DMTN: variants seen among roughly 807,000 people sequenced by gnomAD.
DMTN encodes dematin actin binding protein.
A neutral mutation model predicts 59.4 loss-of-function variants in DMTN; 27 were observed. That is an observed-to-expected ratio of 0.45 (90% CI 0.33 to 0.63). DMTN has a LOEUF of 0.63. DMTN is among the 20% of genes least tolerant of loss of function. The probability of loss-of-function intolerance (pLI) is 0.02; values close to 1 mark genes in which losing one functional copy is unlikely to be tolerated. For missense variants in DMTN, 451 were observed against 528.9 expected (o/e 0.85, Z 1.45); for synonymous variants, 221 against 203.7 (o/e 1.08, Z -0.72).
intron 1 of DMTN, among the ~76,000 whole-genome samples, chr8:22,061,270 G>A (rs2130566542): frequency 7.1e-6 from 1 of 140,622 alleles, no homozygotes; most frequent in African/African-American, 2.8e-5. Context: ...GTAACAGAGT[G>A]AGACCCTGTC....
upstream of DMTN, among the ~76,000 whole-genome samples, chr8:22,056,356 A>G (rs1345538211): frequency 6.6e-6 from 1 of 151,810 alleles, no homozygotes; most frequent in Non-Finnish European, 1.5e-5. Context: ...CTGTGCCTGC[A>G]CCCCCACCTC....
At chr8:22,065,655 C>T (rs1809967913) in intron 1 of DMTN, among the ~76,000 whole-genome samples, 1 of 151,886 alleles carries the variant, frequency 6.6e-6, no homozygotes, top group Admixed American at 6.6e-5. Context: ...CCAGCCTGGC[C>T]GATATGGTGA....
At chr8:22,074,269 G>GTTGTTTGTTTGT (rs112430649) in intron 10 of DMTN, among the ~76,000 whole-genome samples, 1 of 151,056 alleles carries the variant, frequency 6.6e-6, no homozygotes, top group African/African-American at 2.4e-5. Flanking sequence ...GTGGTTGTTT[G>GTTGTTTGTTTGT]TTGTTTGTTT....
At chr8:22,070,442 G>A in intron 8 of DMTN, 108 bp downstream of exon 8, 2 of 1,362,182 alleles carry the variant, frequency 1.5e-6, no homozygotes, top group Non-Finnish European at 1.9e-6. Flanking sequence ...GCCCTATGGT[G>A]TCCTCGTGGG....
rs1813911186 is a variant in DMTN at position 22,069,898 on chromosome 8, T to G, written c.412T>G (p.Ser138Ala). Residue 138 changes from serine to alanine, a missense_variant, in exon 7 of 16, where the codon TCC (serine) becomes GCC (alanine). Ser to Ala is a moderately conservative substitution (Grantham distance 99). Transcript: ENST00000358242. ...TCCCACAGAGACCTCCCGCCCAGATTCCAACATCTACAAGAAGCCTCCCAT... is the reference window on the plus strand; with the variant it reads ...TCCCACAGAGACCTCCCGCCCAGATGCCAACATCTACAAGAAGCCTCCCAT... Reference protein sequence around the residue: ...FHHPETSRPDSNIYKKPPIYK... With the variant: ...FHHPETSRPDANIYKKPPIYK... 9 of 1,613,976 alleles carry G rather than the reference T, an allele frequency of 5.6e-6. No homozygotes were observed. The highest frequency in any genetic ancestry group is 7.6e-6 in the Non-Finnish European group (9 of 1,179,964).
chr8:22,061,370 A>G (rs1389939430), intron 1 of DMTN, among the ~76,000 whole-genome samples: 1 of 152,170 alleles, frequency 6.6e-6, no homozygotes, highest in African/African-American at 2.4e-5. Flanking sequence ...CGTTCTATAA[A>G]TGGCAGCTGT....
At chr8:22,067,255 A>G in intron 3 of DMTN, 96 bp downstream of exon 3, 1 of 1,387,314 alleles carries the variant, frequency 7.2e-7, no homozygotes. Flanking sequence ...GAGCCTCCCC[A>G]GTGGTGGTCC....
chr8:22,055,072 T>G (rs1801956620), upstream of DMTN: 1 of 152,540 alleles, frequency 6.6e-6, no homozygotes, highest in Non-Finnish European at 1.5e-5. Context: ...TACTCTGCCC[T>G]ACATGCACTG....
intron 1 of DMTN, among the ~76,000 whole-genome samples, chr8:22,061,617 G>C (rs190024977): frequency 6.6e-6 from 1 of 152,040 alleles, no homozygotes; most frequent in African/African-American, 2.4e-5. Context: ...GGGCCTCCCC[G>C]AGGCTCCAGA....
At chr8:22,069,237 C>A (rs1813250709) in intron 5 of DMTN, 177 bp downstream of exon 5, 4 of 888,000 alleles carry the variant, frequency 4.5e-6, no homozygotes, top group Middle Eastern at 2.2e-4. Context: ...GGACCTCAAC[C>A]CTTTCTCCCT....
intron 10 of DMTN, among the ~76,000 whole-genome samples, chr8:22,078,298 G>A (rs940840694): frequency 3.9e-5 from 6 of 152,034 alleles, no homozygotes; most frequent in Admixed American, 6.6e-5. Context: ...CTGGGAGGCA[G>A]AGGTTGTGGT....
intron 3 of DMTN, 37 bp downstream of exon 3, chr8:22,067,196 G>A (rs1362315784): frequency 6.3e-7 from 1 of 1,598,128 alleles, no homozygotes; most frequent in Non-Finnish European, 8.5e-7. Flanking sequence ...ACCCCTGGCT[G>A]GGAGGGGGGA....
In DMTN at chr8:22,056,956, C is replaced by T. The variant is rs1259620510; in HGVS notation, c.-352C>T. 8.0e-5 allele frequency: 11 copies of T among 138,306 alleles called. No homozygotes were observed. Among genetic ancestry groups the T allele is most frequent in the East Asian group, 2.7e-4 (1 of 3,748 alleles). The allele number at this position is 138,306 out of a possible 1,614,324, so 8.6% of individuals were successfully genotyped here. ...TCCCCTCCTTCGCCAGCTCCCACCC[C>T]GCCCACCCACCCTAAGCCGGCATTT... On this transcript the variant is annotated 5_prime_UTR_variant, in exon 1 of 16. Coordinates refer to ENST00000358242, the MANE Select transcript of DMTN (RefSeq NM_001387751.1).
chr8:22,079,302 T>TATATATATATGTATATATATA (rs1491109949), intron 10 of DMTN, among the ~76,000 whole-genome samples: 1 of 15,536 alleles, frequency 6.4e-5, no homozygotes, highest in African/African-American at 1.2e-4. Context: ...ATATATATAT[T>TATATATATATGTATATATATA]AGCTGGGTTT....
At position 22,080,097 on chromosome 8, in the gene DMTN, G is replaced by A. The variant is rs544628486; in HGVS notation, c.836-83G>A. The stretch of plus-strand genomic sequence containing the variant: ...GATCCCTTCCTGCCCTGCCCCAGCT[G>A]TGGAAGGCCAGTGAGGTTGCTGTCT... On this transcript the variant is annotated intron_variant, in intron 10 of 15. Coordinates refer to ENST00000358242, the MANE Select transcript of DMTN (RefSeq NM_001387751.1). The A allele has an allele frequency of 4.5e-5, 69 of 1,530,942 alleles. No individual in the cohort carries two copies. The African/African-American group carries it at 8.7e-4, about 19-fold the overall frequency. 94.8% of individuals were successfully genotyped at this position (1,530,942 alleles called of 1,614,324 possible).
At chr8:22,076,089 T>C (rs576745366) in intron 10 of DMTN, among the ~76,000 whole-genome samples, 1 of 152,250 alleles carries the variant, frequency 6.6e-6, no homozygotes, top group Admixed American at 6.5e-5. Context: ...TGCTGGGTGA[T>C]GACCAACTTG....
Position 22,066,834 on chromosome 8 carries a change from A to C in DMTN, c.-42A>C, listed in dbSNP as rs1267067836. ...GACACGCTGTCCTCTCCCCTCGCGCACAGGGCTCTGCGAGTGACCCGGCGG... is the reference window on the plus strand; with the variant it reads ...GACACGCTGTCCTCTCCCCTCGCGCCCAGGGCTCTGCGAGTGACCCGGCGG... On this transcript the variant is annotated 5_prime_UTR_variant, in exon 2 of 16. Coordinates refer to ENST00000358242, the MANE Select transcript of DMTN (RefSeq NM_001387751.1). The C allele has an allele frequency of 1.4e-6, 2 of 1,421,762 alleles. No individual in the cohort carries two copies. The highest frequency in any genetic ancestry group is 1.8e-6 in the Non-Finnish European group (2 of 1,085,460). 88.1% of individuals were successfully genotyped at this position (1,421,762 alleles called of 1,614,324 possible). A position where few individuals can be genotyped will look rare whatever the true frequency, so the allele number is the denominator to read the frequency against.
At chr8:22,062,234 C>T (rs1012503580) in intron 1 of DMTN, among the ~76,000 whole-genome samples, 11 of 146,172 alleles carry the variant, frequency 7.5e-5, no homozygotes, top group Non-Finnish European at 1.2e-4. Flanking sequence ...GGACTATAGG[C>T]GTACTTCACG....
At position 22,081,105 on chromosome 8, in the gene DMTN, AC is replaced by A; in HGVS notation, c.1024-3del. ...TGAGCCTAAGATTGCCCCTCCCCCC[AC>A]CCCCAGATCTATCCCTATGAAATGC... On this transcript the variant is annotated splice_region_variant and splice_polypyrimidine_tract_variant and intron_variant, in intron 14 of 15. Transcript: ENST00000358242. 1 of 696,840 alleles carries A rather than the reference AC, an allele frequency of 1.4e-6. No homozygotes were observed. Among genetic ancestry groups the A allele is most frequent in the South Asian group, 1.4e-5 (1 of 70,474 alleles). The allele number at this position is 696,840 out of a possible 1,614,324, so 43.2% of individuals were successfully genotyped here. A position where few individuals can be genotyped will look rare whatever the true frequency, so the allele number is the denominator to read the frequency against.
Sources: allele counts gnomAD v4.1 joint callset (sites outside exome capture counted in the v4.1 genomes callset), GRCh38; gene constraint gnomAD v4.1.1; transcripts MANE v1.5; gene names NCBI Gene and HGNC (gene_info 2026-07-23, HGNC 2026-07-21).